Variants in PDZD2 observed in about 807,000 individuals in gnomAD.
PDZD2 encodes the protein PDZ domain containing 2.
PDZD2 carries 90 observed loss-of-function variants against 220.7 expected under a neutral mutation model. The observed-to-expected ratio is 0.41, with a 90% CI of 0.34 to 0.49. The LOEUF (loss-of-function observed/expected upper bound fraction) is 0.49. PDZD2 is among the 20% of genes least tolerant of loss of function. The pLI is 0.28. For missense variants in PDZD2, 3,174 were observed against 3,608.5 expected (o/e 0.88, Z 3.08); for synonymous variants, 1,375 against 1,450.5 (o/e 0.95, Z 1.18).
chr5:32,096,436 G>GCCT (rs1365934919), intron 21 of PDZD2, among the ~76,000 whole-genome samples: 1 of 152,086 alleles, frequency 6.6e-6, no homozygotes, highest in Non-Finnish European at 1.5e-5. Context: ...TCCTGCCTCA[G>GCCT]CCTCCCAAGT....
At chr5:32,058,921 G>A (rs964256485) in intron 12 of PDZD2, among the ~76,000 whole-genome samples, 1 of 152,158 alleles carries the variant, frequency 6.6e-6, no homozygotes, top group African/African-American at 2.4e-5. Flanking sequence ...GCTTGAGTTT[G>A]TGTACCTAGA....
chr5:31,669,205 C>T (rs1227898902), intron 1 of PDZD2, among the ~76,000 whole-genome samples: 4 of 152,016 alleles, frequency 2.6e-5, no homozygotes, highest in African/African-American at 9.7e-5. Context: ...AGGCCAGGAC[C>T]AGCCTGGGCA....
intron 7 of PDZD2, among the ~76,000 whole-genome samples, chr5:32,037,574 C>T (rs914448525): frequency 6.6e-6 from 1 of 152,178 alleles, no homozygotes; most frequent in Non-Finnish European, 1.5e-5. Context: ...CTGTGTGTCT[C>T]TGTGTCCTGA....
At chr5:31,866,830 C>T (rs1466786994) in intron 2 of PDZD2, among the ~76,000 whole-genome samples, 3 of 152,300 alleles carry the variant, frequency 2.0e-5, no homozygotes, top group Middle Eastern at 6.8e-3. Context: ...TACTGAGTGC[C>T]AGTTACAGGC....
chr5:31,878,555 C>CTTTTTTTTTTTTTTTTTTTTTTTTTTT lies in PDZD2; in HGVS notation c.476+78855_476+78856insTTTTTTTTTTTTTTTTTTTTTTTTTTT, dbSNP rs397884384. Among the ~76,000 whole-genome samples the CTTTTTTTTTTTTTTTTTTTTTTTTTTT allele has an allele frequency of 1.5e-4, 7 of 48,196 alleles. 2 individuals are homozygous for CTTTTTTTTTTTTTTTTTTTTTTTTTTT. Among genetic ancestry groups the CTTTTTTTTTTTTTTTTTTTTTTTTTTT allele is most frequent in the African/African-American group, 4.2e-4 (6 of 14,370 alleles). 31.6% of individuals were successfully genotyped at this position (48,196 alleles called of 152,430 possible). The stretch of plus-strand genomic sequence containing the variant: ...TTCTTTGGTGGTCAGATGACCTCGG[C>CTTTTTTTTTTTTTTTTTTTTTTTTTTT]TTTTTTTTTTTTTTTTTTTTTTTTG... On this transcript the variant is annotated intron_variant, in intron 2 of 24. Coordinates refer to ENST00000438447, the MANE Select transcript of PDZD2 (RefSeq NM_178140.4).
At chr5:31,995,498 C>G (rs752294537) in intron 3 of PDZD2, 78 bp from the exon 4 acceptor site, 1 of 1,466,716 alleles carries the variant, frequency 6.8e-7, no homozygotes, top group African/African-American at 1.4e-5. Context: ...TTCGGCCAGA[C>G]GTGACAGCTC....
intron 1 of PDZD2, among the ~76,000 whole-genome samples, chr5:31,722,160 A>G (rs935829480): frequency 1.3e-5 from 2 of 152,162 alleles, no homozygotes; most frequent in African/African-American, 4.8e-5. Flanking sequence ...ATATTTCACA[A>G]CAAAAATGTC....
At chr5:31,767,868 A>AT (rs1580716610) in intron 1 of PDZD2, among the ~76,000 whole-genome samples, 2 of 152,216 alleles carry the variant, frequency 1.3e-5, no homozygotes, top group East Asian at 3.8e-4. Context: ...CTATTTAGTC[A>AT]TTTTCACTTT....
chr5:32,023,518 T>C (rs1279718550), intron 6 of PDZD2, among the ~76,000 whole-genome samples: 1 of 152,248 alleles, frequency 6.6e-6, no homozygotes, highest in Non-Finnish European at 1.5e-5. Context: ...ATGTACATTT[T>C]AAACAGAGAA....
chr5:31,833,805 T>C (rs1756780755), intron 2 of PDZD2, among the ~76,000 whole-genome samples: 1 of 152,206 alleles, frequency 6.6e-6, no homozygotes, highest in Admixed American at 6.5e-5. Context: ...CAACCTCAAC[T>C]GGGACCTTGA....
chr5:31,712,451 C>CCTCTCT (rs72212182), intron 1 of PDZD2, among the ~76,000 whole-genome samples: 59 of 131,446 alleles, frequency 4.5e-4, no homozygotes, highest in African/African-American at 1.5e-3. Context: ...GCTGGGCCTG[C>CCTCTCT]CTCTCTCTCT....
At chr5:31,689,963 G>T (rs532685065) in intron 1 of PDZD2, among the ~76,000 whole-genome samples, 3 of 152,090 alleles carry the variant, frequency 2.0e-5, no homozygotes, top group Non-Finnish European at 4.4e-5. Context: ...GCTATCTGGC[G>T]CTGGCAAACT....
chr5:31,946,075 G>A (rs994566643), intron 2 of PDZD2, among the ~76,000 whole-genome samples: 13 of 152,192 alleles, frequency 8.5e-5, no homozygotes, highest in East Asian at 3.9e-4. Flanking sequence ...CGATCCCGGC[G>A]CACTGCAACC....
chr5:31,816,547 T>A (rs1017784933), intron 2 of PDZD2, among the ~76,000 whole-genome samples: 1 of 152,188 alleles, frequency 6.6e-6, no homozygotes, highest in African/African-American at 2.4e-5. Context: ...TCCATAGTGA[T>A]ATGACTTTTC....
intron 21 of PDZD2, among the ~76,000 whole-genome samples, chr5:32,096,100 G>A (rs1743665646): frequency 6.6e-6 from 1 of 152,060 alleles, no homozygotes; most frequent in Admixed American, 6.5e-5. Context: ...TGAAATATCT[G>A]AGAAGTGTTC....
At chr5:31,778,207 C>T (rs1209246374) in intron 1 of PDZD2, among the ~76,000 whole-genome samples, 1 of 152,092 alleles carries the variant, frequency 6.6e-6, no homozygotes, top group Non-Finnish European at 1.5e-5. Context: ...CAGTGAGCAC[C>T]CTGTCAAAAC....
intron 2 of PDZD2, among the ~76,000 whole-genome samples, chr5:31,858,163 A>G (rs574154136): frequency 2.7e-5 from 4 of 150,156 alleles, no homozygotes; most frequent in African/African-American, 9.8e-5. Flanking sequence ...GGGTTTCACC[A>G]TGTTGGCCAG....
chr5:31,926,371 A>G (rs991366107), intron 2 of PDZD2, among the ~76,000 whole-genome samples: 1 of 150,180 alleles, frequency 6.7e-6, no homozygotes, highest in Non-Finnish European at 1.5e-5. Flanking sequence ...TACTAAAAAT[A>G]CAAAATTAGC....
chr5:31,956,572 A>T (rs1463212706), intron 2 of PDZD2, among the ~76,000 whole-genome samples: 1 of 147,224 alleles, frequency 6.8e-6, no homozygotes, highest in Non-Finnish European at 1.5e-5. Context: ...AATAAAATAA[A>T]TAAATAAATA....
Sources: allele counts gnomAD v4.1 joint callset (sites outside exome capture counted in the v4.1 genomes callset), GRCh38; gene constraint gnomAD v4.1.1; transcripts MANE v1.5; gene names NCBI Gene and HGNC (gene_info 2026-07-23, HGNC 2026-07-21).